FMNL2: variants seen among roughly 807,000 people sequenced by gnomAD.
FMNL2 encodes formin like 2.
In FMNL2, 51 loss-of-function variants were observed where a neutral mutation model predicts 130.2. The observed-to-expected ratio is 0.39, with a 90% confidence interval of 0.31 to 0.49. The LOEUF is 0.49. Among genes scored for constraint, FMNL2 ranks in the 20% least tolerant of loss-of-function variants. FMNL2 has a pLI of 0.85. For synonymous variants in FMNL2, 465 were observed against 467.1 expected, an observed-to-expected ratio of 1.00 and a Z score of 0.06; for missense variants, 977 against 1,316.2, an observed-to-expected ratio of 0.74 and a Z score of 3.99.
chr2:152,452,137 C>T lies in FMNL2; in HGVS notation c.118-69806C>T, dbSNP rs571854032. ...GAATACATTTGTTGCTTTGGCAACT[C>T]GAGGTGTTAGAATCTTTTTTCTTTC... On this transcript the variant is annotated intron_variant, in intron 1 of 25. Coordinates refer to ENST00000288670, the MANE Select transcript of FMNL2 (RefSeq NM_052905.4). Among the ~76,000 whole-genome samples, 18 of 152,236 alleles carry T rather than the reference C, an allele frequency of 1.2e-4. No homozygotes were observed. In the East Asian group the frequency reaches 1.5e-3, roughly 13 times the overall value.
Position 152,521,837 on chromosome 2 carries a change from G to A in FMNL2, c.118-106G>A, listed in dbSNP as rs566055964. On this transcript the variant is annotated intron_variant, in intron 1 of 25. Transcript: ENST00000288670. The stretch of plus-strand genomic sequence containing the variant: ...ATCAGATACTAGGAATTGAGAGAAA[G>A]TCATGAAAAAACCATAGTGGTATTA... 167 of 833,024 alleles carry A rather than the reference G, an allele frequency of 2.0e-4. 1 individual carries two copies. In the African/African-American group the frequency reaches 2.5e-3, roughly 13 times the overall value. 51.6% of individuals were successfully genotyped at this position (833,024 alleles called of 1,614,324 possible). A position where few individuals can be genotyped will look rare whatever the true frequency, so the allele number is the denominator to read the frequency against.
At chr2:152,529,618 T>G (rs932372661) in intron 2 of FMNL2, among the ~76,000 whole-genome samples, 2 of 152,198 alleles carry the variant, frequency 1.3e-5, no homozygotes, top group Admixed American at 1.3e-4. Context: ...CAACTCTTTG[T>G]ATGTTGAGCT....
intron 1 of FMNL2, among the ~76,000 whole-genome samples, chr2:152,350,222 G>A (rs565341739): frequency 5.9e-5 from 9 of 152,200 alleles, no homozygotes; most frequent in Admixed American, 2.0e-4. Context: ...TTGTTTCTCC[G>A]TTTGCTGGTT....
intron 12 of FMNL2, 33 bp downstream of exon 12, chr2:152,615,033 A>G: frequency 2.5e-6 from 4 of 1,601,652 alleles, no homozygotes; most frequent in Non-Finnish European, 3.4e-6. Flanking sequence ...AAAATTGCTT[A>G]CATTTCAGCT....
At chr2:152,452,210 G>T (rs1387882212) in intron 1 of FMNL2, among the ~76,000 whole-genome samples, 1 of 152,158 alleles carries the variant, frequency 6.6e-6, no homozygotes, top group African/African-American at 2.4e-5. Context: ...AAAGACAGTT[G>T]AGGGACTTGC....
chr2:152,388,280 A>G (rs1044987098), intron 1 of FMNL2, among the ~76,000 whole-genome samples: 1 of 152,210 alleles, frequency 6.6e-6, no homozygotes, highest in African/African-American at 2.4e-5. Flanking sequence ...TAATAAAGAC[A>G]TACGTTAGAC....
intron 2 of FMNL2, among the ~76,000 whole-genome samples, chr2:152,542,439 C>T (rs547961430): frequency 6.6e-6 from 1 of 152,296 alleles, no homozygotes; most frequent in East Asian, 1.9e-4. Context: ...CAGGGCCCTA[C>T]AGAGAAAGCA....
At chr2:152,424,616 C>T (rs899743522) in intron 1 of FMNL2, among the ~76,000 whole-genome samples, 1 of 152,056 alleles carries the variant, frequency 6.6e-6, no homozygotes, top group East Asian at 1.9e-4. Flanking sequence ...GTCTCGAACT[C>T]CTGACCTTGT....
At chr2:152,472,408 T>C (rs1351218017) in intron 1 of FMNL2, among the ~76,000 whole-genome samples, 1 of 152,184 alleles carries the variant, frequency 6.6e-6, no homozygotes, top group East Asian at 1.9e-4. Flanking sequence ...AAAAAAGATT[T>C]TTTTCTTTTA....
intron 25 of FMNL2, among the ~76,000 whole-genome samples, chr2:152,642,903 G>C (rs1385782444): frequency 6.6e-6 from 1 of 152,132 alleles, no homozygotes; most frequent in African/African-American, 2.4e-5. Flanking sequence ...CAGCTACTTG[G>C]GAGGCCGAGA....
At chr2:152,412,449 TATATATATATATATA>T (rs1686351274) in intron 1 of FMNL2, among the ~76,000 whole-genome samples, 12 of 10,340 alleles carry the variant, frequency 1.2e-3, no homozygotes, top group South Asian at 4.8e-3. Context: ...GTATATTTTA[TATATATATATATATA>T]TATATATATA....
intron 10 of FMNL2, 147 bp from the exon 11 acceptor site, chr2:152,611,347 AC>A (rs771869130): frequency 3.1e-4 from 158 of 513,782 alleles, no homozygotes; most frequent in South Asian, 8.5e-4. Flanking sequence ...TCCAAAAAAA[AC>A]CATATATATA....
chr2:152,626,562 C>T lies in FMNL2; in HGVS notation c.2000C>T (p.Thr667Ile), dbSNP rs1387869981. ...NVDEFEEIFKTKAQGPAIDLS... is the reference protein window; with the variant it reads ...NVDEFEEIFKIKAQGPAIDLS... ...GATGAATTTGAGGAAATATTCAAGA[C>T]AAAAGCCCAAGGACCTGCCATTGAT... The change falls in exon 17 of 26, where the codon ACA becomes ATA. Residue 667 changes from threonine (T) to isoleucine (I), a missense_variant. This residue lies in a region of FMNL2 where 689 missense variants were observed against 995.9 expected (regional missense o/e 0.69). Transcript: ENST00000288670. The T allele has an allele frequency of 1.9e-6, 3 of 1,611,176 alleles. No homozygotes were observed. Among genetic ancestry groups the T allele is most frequent in the Non-Finnish European group, 1.7e-6 (2 of 1,178,600 alleles).
chr2:152,580,841 T>A, intron 8 of FMNL2, 115 bp from the exon 9 acceptor site: 1 of 941,610 alleles, frequency 1.1e-6, no homozygotes, highest in Non-Finnish European at 1.6e-6. Context: ...CTTAGTAAAA[T>A]TTTTTAAAAA....
At chr2:152,387,369 T>C (rs562393692) in intron 1 of FMNL2, among the ~76,000 whole-genome samples, 102 of 152,348 alleles carry the variant, frequency 6.7e-4, no homozygotes, top group Non-Finnish European at 1.1e-3. Context: ...AGGCCTTTGA[T>C]AAATGTTTGT....
At chr2:152,457,856 T>C (rs1488082956) in intron 1 of FMNL2, among the ~76,000 whole-genome samples, 3 of 152,196 alleles carry the variant, frequency 2.0e-5, no homozygotes, top group Non-Finnish European at 4.4e-5. Context: ...CCACCTTCTT[T>C]GGCTTGTGGC....
intron 1 of FMNL2, among the ~76,000 whole-genome samples, chr2:152,453,286 C>T (rs1409895319): frequency 6.6e-6 from 1 of 152,032 alleles, no homozygotes; most frequent in African/African-American, 2.4e-5. Flanking sequence ...GATTCTGGGC[C>T]CTGACTGACC....
chr2:152,444,509 A>G (rs891155059), intron 1 of FMNL2, among the ~76,000 whole-genome samples: 1 of 152,216 alleles, frequency 6.6e-6, no homozygotes, highest in African/African-American at 2.4e-5. Flanking sequence ...GAGATATGCA[A>G]GATATTCCTG....
chr2:152,356,192 A>G (rs1682769764), intron 1 of FMNL2, among the ~76,000 whole-genome samples: 1 of 152,182 alleles, frequency 6.6e-6, no homozygotes, highest in Admixed American at 6.5e-5. Context: ...GCTGGAGTGC[A>G]ATGGCACATG....
Sources: allele counts gnomAD v4.1 joint callset (sites outside exome capture counted in the v4.1 genomes callset), GRCh38; gene constraint gnomAD v4.1.1; regional missense constraint gnomAD v4.1.1; transcripts MANE v1.5; gene names NCBI Gene and HGNC (gene_info 2026-07-23, HGNC 2026-07-21).